BMS1: variants seen among roughly 807,000 people sequenced by gnomAD.
The protein encoded by BMS1 is ribosome biogenesis protein BMS1 homolog.
Under a neutral mutation model 138.7 loss-of-function variants are expected in BMS1, and 53 were observed. The observed-to-expected ratio is 0.38, with a 90% CI of 0.31 to 0.48. BMS1 has a LOEUF of 0.48. BMS1 is among the 20% of genes least tolerant of loss of function. The pLI, the probability that BMS1 is intolerant of heterozygous loss-of-function variation, is 0.97. For synonymous variants in BMS1, 504 were observed against 539.9 expected, an observed-to-expected ratio of 0.93 and a Z score of 0.92; for missense variants, 1,360 against 1,565.5, an observed-to-expected ratio of 0.87 and a Z score of 2.22.
At chr10:42,785,740 G>A in intron 3 of BMS1, 68 bp downstream of exon 3, 1 of 1,519,266 alleles carries the variant, frequency 6.6e-7, no homozygotes, top group East Asian at 2.3e-5. Context: ...GCATGCGTTT[G>A]TTGTTTTCTT....
intron 13 of BMS1, among the ~76,000 whole-genome samples, chr10:42,806,129 T>C (rs1444819419): frequency 6.6e-6 from 1 of 152,068 alleles, no homozygotes; most frequent in East Asian, 1.9e-4. Flanking sequence ...TTCTTTTTCT[T>C]TTATGCTGCT....
In BMS1 at chr10:42,785,677, G is replaced by A; in HGVS notation, c.367+5G>A. The stretch of plus-strand genomic sequence containing the variant: ...GCCCTGTGACGATTGTGTCAGGTAG[G>A]AGATGCCACCACAGACACAGAGTTG... On this transcript the variant is annotated splice_donor_5th_base_variant and intron_variant, in intron 3 of 22. Coordinates refer to ENST00000374518, the MANE Select transcript of BMS1 (RefSeq NM_014753.4). 6.2e-7 allele frequency: 1 copy of A among 1,612,524 alleles called. No individual in the cohort carries two copies. Among genetic ancestry groups the A allele is most frequent in the South Asian group, 1.1e-5 (1 of 90,984 alleles).
chr10:42,825,025 T>C (rs1234425649), intron 21 of BMS1, among the ~76,000 whole-genome samples: 3 of 152,196 alleles, frequency 2.0e-5, no homozygotes, highest in African/African-American at 4.8e-5. Flanking sequence ...TTCTTTTTTT[T>C]TGAGGCAAAG....
chr10:42,788,815 C>G (rs992080669), intron 4 of BMS1, among the ~76,000 whole-genome samples: 16 of 152,210 alleles, frequency 1.1e-4, no homozygotes, highest in African/African-American at 3.9e-4. Flanking sequence ...CAGATCCCTG[C>G]AGAGCAGTAT....
intron 4 of BMS1, among the ~76,000 whole-genome samples, chr10:42,788,534 A>G (rs181555207): frequency 1.3e-5 from 2 of 152,192 alleles, no homozygotes; most frequent in East Asian, 3.9e-4. Context: ...GTTATTCTGA[A>G]TTATATAATA....
chr10:42,796,629 A>T lies in BMS1; in HGVS notation c.1385A>T (p.Asp462Val), dbSNP rs768174977. The change falls in exon 10 of 23, where the codon GAT becomes GTT. Residue 462 changes from aspartate to valine, a missense_variant. By Grantham distance (152) the Asp-to-Val change is radical. Transcript: ENST00000374518. ...GACGGGTTGGAAAACGGCTCTAGTG[A>T]TGAGGAAGCAGAAGAGGAGGAAAAT... Reference protein sequence around the residue: ...EDDGLENGSSDEEAEEEENAE... With the variant: ...EDDGLENGSSVEEAEEEENAE... The T allele has an allele frequency of 4.3e-6, 7 of 1,614,222 alleles. No individual in the cohort carries two copies. The highest frequency in any genetic ancestry group is 1.3e-5 in the African/African-American group (1 of 75,046).
At chr10:42,818,676 G>C (rs545933359) in intron 15 of BMS1, among the ~76,000 whole-genome samples, 1 of 152,326 alleles carries the variant, frequency 6.6e-6, no homozygotes, top group African/African-American at 2.4e-5. Context: ...GTATCATGCA[G>C]ACAAGTGAAA....
rs746318994 is a variant in BMS1 at position 42,820,227 on chromosome 10, C to G, written c.2581-9C>G. 15 of 1,609,440 alleles carry G rather than the reference C, an allele frequency of 9.3e-6. No individual in the cohort carries two copies. The highest frequency in any genetic ancestry group is 8.8e-5 in the South Asian group (8 of 91,052). On this transcript the variant is annotated splice_polypyrimidine_tract_variant and intron_variant, in intron 15 of 22. Transcript: ENST00000374518. ...GCATACAGGTTTTTTTATTCCCCAT[C>G]ATGTACAGCTGAATCGCGCAGAATT... is the stretch of plus-strand genomic sequence containing the variant.
intron 21 of BMS1, among the ~76,000 whole-genome samples, chr10:42,827,874 CTT>C (rs1018830408): frequency 6.6e-6 from 1 of 152,160 alleles, no homozygotes; most frequent in African/African-American, 2.4e-5. Context: ...CCCTCTTAAA[CTT>C]TTCACTGGGT....
Position 42,797,221 on chromosome 10 carries a change from A to G in BMS1, c.1977A>G (p.Lys659=), listed in dbSNP as rs1841717701. Residue 659 remains lysine, a synonymous_variant, in exon 10 of 23, where the codon AAA becomes AAG. Coordinates refer to ENST00000374518, the MANE Select transcript of BMS1 (RefSeq NM_014753.4). ...EDYKEENNDS[K]ETSGALKWKE... is the part of the protein sequence containing the mutation. Reference sequence around the variant, plus strand: ...ACAAGGAAGAAAATAATGATTCCAAAGAAACGTCAGGTAAGCTTAAATGTA... The same window carrying G: ...ACAAGGAAGAAAATAATGATTCCAAGGAAACGTCAGGTAAGCTTAAATGTA... 1 of 1,603,466 alleles carries G rather than the reference A, an allele frequency of 6.2e-7. No homozygotes were observed. Among genetic ancestry groups the G allele is most frequent in the Non-Finnish European group, 8.5e-7 (1 of 1,175,430 alleles).
chr10:42,821,105 A>C, intron 18 of BMS1, 113 bp downstream of exon 18: 1 of 906,618 alleles, frequency 1.1e-6, no homozygotes, highest in Non-Finnish European at 1.7e-6. Flanking sequence ...TATTAATACA[A>C]AGTAAATTTC....
At chr10:42,823,356 G>A in intron 20 of BMS1, 91 bp downstream of exon 20, 2 of 1,466,882 alleles carry the variant, frequency 1.4e-6, no homozygotes, top group Non-Finnish European at 1.8e-6. Context: ...CAGGTCTCTA[G>A]AGAGTTGAGC....
At chr10:42,806,612 G>A (rs968796809) in intron 13 of BMS1, among the ~76,000 whole-genome samples, 5 of 151,986 alleles carry the variant, frequency 3.3e-5, no homozygotes, top group African/African-American at 1.2e-4. Flanking sequence ...GCACACGCCC[G>A]TAATCCTAGC....
intron 9 of BMS1, 43 bp downstream of exon 9, chr10:42,794,034 C>T (rs1401890434): frequency 6.3e-7 from 1 of 1,592,202 alleles, no homozygotes; most frequent in South Asian, 1.1e-5. Flanking sequence ...AGATGTATTA[C>T]AAAAGATCAT....
intron 13 of BMS1, among the ~76,000 whole-genome samples, chr10:42,803,771 T>C (rs748111856): frequency 6.6e-6 from 1 of 152,244 alleles, no homozygotes; most frequent in Non-Finnish European, 1.5e-5. Context: ...GTATAATTGA[T>C]GGTAAACTAC....
intron 21 of BMS1, among the ~76,000 whole-genome samples, chr10:42,828,460 G>A (rs1484517596): frequency 1.3e-5 from 2 of 152,184 alleles, no homozygotes; most frequent in Admixed American, 1.3e-4. Context: ...GAGGATCCCT[G>A]GGTAGGGTGG....
At chr10:42,786,120 C>T (rs1841320660) in intron 3 of BMS1, among the ~76,000 whole-genome samples, 1 of 152,240 alleles carries the variant, frequency 6.6e-6, no homozygotes, top group South Asian at 2.1e-4. Flanking sequence ...CTTTGCCAAA[C>T]ATGTTCCTTG....
intron 9 of BMS1, among the ~76,000 whole-genome samples, chr10:42,795,424 GTCC>G (rs938154327): frequency 2.0e-5 from 3 of 151,418 alleles, no homozygotes; most frequent in Non-Finnish European, 2.9e-5. Flanking sequence ...GGCTCAAGTG[GTCC>G]TCCTGCTTCA....
At chr10:42,799,561 A>G (rs191227596) in intron 12 of BMS1, among the ~76,000 whole-genome samples, 5 of 152,326 alleles carry the variant, frequency 3.3e-5, no homozygotes, top group Admixed American at 3.3e-4. Context: ...GTACTTTATG[A>G]GATTTTATTT....
Sources: gnomAD v4.1 joint callset for allele counts (sites outside exome capture counted in the v4.1 genomes callset) on GRCh38, gnomAD v4.1.1 for gene constraint, MANE v1.5 for transcripts, NCBI Gene and HGNC (gene_info 2026-07-23, HGNC 2026-07-21) for gene names.